LYPLAL1: variants seen among roughly 807,000 people sequenced by gnomAD.
The protein encoded by LYPLAL1 is lysophospholipase-like protein 1.
Under a neutral mutation model 19.7 loss-of-function variants are expected in LYPLAL1, and 23 were observed. The ratio of observed to expected loss-of-function variants is 1.17; its 90% confidence interval spans 0.84 to 1.65. The LOEUF is 1.65. LYPLAL1 is among the 40% of genes most tolerant of loss of function. The pLI, the probability that LYPLAL1 is intolerant of heterozygous loss-of-function variation, is 0.00. For synonymous variants in LYPLAL1, 119 were observed against 96.3 expected (o/e 1.24, Z -1.38); for missense variants, 355 against 279.4 (o/e 1.27, Z -1.93).
At chr1:219,357,077 A>G in the LYPLAL1 span, among the ~76,000 whole-genome samples, 1 of 152,182 alleles carries the variant, frequency 6.6e-6, no homozygotes, top group Non-Finnish European at 1.5e-5. Flanking sequence ...TTGAATTTTC[A>G]CTTGAATGTC....
In LYPLAL1 at chr1:219,211,610, T is replaced by A; in HGVS notation, c.596T>A (p.Val199Glu). The change falls in exon 5 of 5, where the codon GTG becomes GAG. Residue 199 changes from valine (V) to glutamate (E), a missense_variant. Val to Glu is a moderately radical substitution (Grantham distance 121). Coordinates refer to ENST00000366928, the MANE Select transcript of LYPLAL1 (RefSeq NM_138794.5). Reference sequence around the variant, plus strand: ...AACTCAATGTTAAAATCTCTAGGAGTGACCACGAAGTTTCATAGTTTTCCA... The same window carrying A: ...AACTCAATGTTAAAATCTCTAGGAGAGACCACGAAGTTTCATAGTTTTCCA... ...ETNSMLKSLG[V>E]TTKFHSFPNV... 3 of 1,613,402 alleles carry A rather than the reference T, an allele frequency of 1.9e-6. No individual in the cohort carries two copies. The highest frequency in any genetic ancestry group is 2.5e-6 in the Non-Finnish European group (3 of 1,179,548).
At chr1:219,354,994 G>A in the LYPLAL1 span, among the ~76,000 whole-genome samples, 234 of 152,296 alleles carry the variant, frequency 1.5e-3, no homozygotes, top group Middle Eastern at 3.4e-3. Context: ...TGGAAAAATA[G>A]ATGAATATTT....
chr1:219,298,543 T>A, the LYPLAL1 span, among the ~76,000 whole-genome samples: 3 of 152,164 alleles, frequency 2.0e-5, no homozygotes, highest in Admixed American at 2.0e-4. Flanking sequence ...TCCCCCATAT[T>A]TCCTAGTTCT....
At chr1:219,287,389 T>C in the LYPLAL1 span, among the ~76,000 whole-genome samples, 1 of 152,192 alleles carries the variant, frequency 6.6e-6, no homozygotes, top group African/African-American at 2.4e-5. Context: ...AATCATATTT[T>C]CCTCACCAAA....
the LYPLAL1 span, among the ~76,000 whole-genome samples, chr1:219,243,171 A>G: frequency 6.6e-6 from 1 of 152,200 alleles, no homozygotes; most frequent in East Asian, 1.9e-4. Flanking sequence ...AGAGAGATTT[A>G]CAACACGGTG....
chr1:219,423,435 G>A, the LYPLAL1 span, among the ~76,000 whole-genome samples: 11 of 152,230 alleles, frequency 7.2e-5, no homozygotes, highest in African/African-American at 2.2e-4. Flanking sequence ...GATTCACTGG[G>A]CTTTGAGCAG....
the LYPLAL1 span, among the ~76,000 whole-genome samples, chr1:219,284,481 G>A: frequency 6.6e-6 from 1 of 152,036 alleles, no homozygotes; most frequent in Non-Finnish European, 1.5e-5. Flanking sequence ...AATATTTCAT[G>A]TAACGCAATA....
the LYPLAL1 span, among the ~76,000 whole-genome samples, chr1:219,404,892 C>T: frequency 6.6e-6 from 1 of 152,186 alleles, no homozygotes; most frequent in Non-Finnish European, 1.5e-5. Flanking sequence ...TTTGACACCA[C>T]GTCCTTTTTA....
chr1:219,248,891 G>A, the LYPLAL1 span, among the ~76,000 whole-genome samples: 1 of 151,892 alleles, frequency 6.6e-6, no homozygotes, highest in Non-Finnish European at 1.5e-5. Flanking sequence ...AAGCACTTTG[G>A]CATACACTGA....
the LYPLAL1 span, among the ~76,000 whole-genome samples, chr1:219,432,426 G>C: frequency 6.7e-6 from 1 of 150,000 alleles, no homozygotes; most frequent in African/African-American, 2.4e-5. Flanking sequence ...CTTTGAATAG[G>C]ATCCAGGTTC....
At chr1:219,296,936 G>T in the LYPLAL1 span, among the ~76,000 whole-genome samples, 1 of 152,166 alleles carries the variant, frequency 6.6e-6, no homozygotes, top group Non-Finnish European at 1.5e-5. Context: ...TTGGAAAATG[G>T]ATTTGAGGTT....
chr1:219,319,672 G>A, the LYPLAL1 span, among the ~76,000 whole-genome samples: 2 of 152,160 alleles, frequency 1.3e-5, no homozygotes, highest in Non-Finnish European at 2.9e-5. Flanking sequence ...GCACAGAATG[G>A]TGAATTGGAG....
the LYPLAL1 span, among the ~76,000 whole-genome samples, chr1:219,379,475 C>A: frequency 6.6e-6 from 1 of 152,168 alleles, no homozygotes; most frequent in Non-Finnish European, 1.5e-5. Context: ...GCAGTTAGCT[C>A]TAAAGGGGGC....
At chr1:219,184,226 G>A (rs975326197) in intron 2 of LYPLAL1, among the ~76,000 whole-genome samples, 3 of 151,760 alleles carry the variant, frequency 2.0e-5, no homozygotes, top group African/African-American at 4.8e-5. Flanking sequence ...GAAGTGATTC[G>A]GAGTTTTTAG....
chr1:219,437,696 C>G, the LYPLAL1 span, among the ~76,000 whole-genome samples: 18 of 151,694 alleles, frequency 1.2e-4, no homozygotes, highest in African/African-American at 4.4e-4. Flanking sequence ...ACAATTAAGT[C>G]CCTTCTCTCC....
At chr1:219,323,496 T>C in the LYPLAL1 span, among the ~76,000 whole-genome samples, 1 of 152,154 alleles carries the variant, frequency 6.6e-6, no homozygotes, top group African/African-American at 2.4e-5. Context: ...TGTTGATTGC[T>C]GAAATGGGCA....
the LYPLAL1 span, among the ~76,000 whole-genome samples, chr1:219,339,948 C>G: frequency 2.6e-5 from 4 of 152,018 alleles, no homozygotes; most frequent in Admixed American, 1.3e-4. Flanking sequence ...ACTTTTGGTA[C>G]TGTTCATCAA....
chr1:219,219,243 T>A, the LYPLAL1 span, among the ~76,000 whole-genome samples: 1 of 152,278 alleles, frequency 6.6e-6, no homozygotes, highest in African/African-American at 2.4e-5. Flanking sequence ...TCATGGGCCC[T>A]CAGACTGTGC....
the LYPLAL1 span, among the ~76,000 whole-genome samples, chr1:219,253,688 A>C: frequency 6.6e-6 from 1 of 152,000 alleles, no homozygotes; most frequent in Non-Finnish European, 1.5e-5. Context: ...GGATTGTTTT[A>C]TGTCTAATTA....
Sources: gnomAD v4.1 joint callset for allele counts (sites outside exome capture counted in the v4.1 genomes callset) on GRCh38, gnomAD v4.1.1 for gene constraint, MANE v1.5 for transcripts, NCBI Gene and HGNC (gene_info 2026-07-23, HGNC 2026-07-21) for gene names.